ENTREP2: variants seen among roughly 807,000 people sequenced by gnomAD.
The protein encoded by ENTREP2 is protein ENTREP2.
the ENTREP2 span, among the ~76,000 whole-genome samples, chr15:29,189,006 C>T: frequency 6.6e-6 from 1 of 152,254 alleles, no homozygotes; most frequent in Admixed American, 6.5e-5. Flanking sequence ...CCACATGCAT[C>T]TCTCCACCTG....
chr15:29,180,764 C>G, the ENTREP2 span, among the ~76,000 whole-genome samples: 156 of 151,336 alleles, frequency 1.0e-3, 1 homozygote, highest in Non-Finnish European at 1.8e-4. Flanking sequence ...GCTAAATAAC[C>G]CAGGGACTGA....
At chr15:29,658,792 A>T in the ENTREP2 span, among the ~76,000 whole-genome samples, 1 of 152,246 alleles carries the variant, frequency 6.6e-6, no homozygotes, top group African/African-American at 2.4e-5. Context: ...CTATAAAAAA[A>T]ACTTTATAAT....
chr15:29,409,754 G>A, the ENTREP2 span, among the ~76,000 whole-genome samples: 1 of 151,922 alleles, frequency 6.6e-6, no homozygotes, highest in African/African-American at 2.4e-5. Flanking sequence ...GAGCCACCTC[G>A]CCTGGCTATA....
At chr15:29,581,615 T>C in the ENTREP2 span, among the ~76,000 whole-genome samples, 1 of 152,200 alleles carries the variant, frequency 6.6e-6, no homozygotes, top group Non-Finnish European at 1.5e-5. Context: ...CATAGTGTAT[T>C]CATGAATTGC....
At chr15:29,623,583 G>A in the ENTREP2 span, among the ~76,000 whole-genome samples, 3 of 152,138 alleles carry the variant, frequency 2.0e-5, no homozygotes, top group East Asian at 1.9e-4. Flanking sequence ...AGATGTCAAC[G>A]CCATCAGAAC....
the ENTREP2 span, among the ~76,000 whole-genome samples, chr15:29,662,919 G>A: frequency 1.3e-4 from 20 of 151,762 alleles, no homozygotes; most frequent in African/African-American, 3.9e-4. Context: ...AGACATGTTG[G>A]TCAGGCTGGT....
the ENTREP2 span, among the ~76,000 whole-genome samples, chr15:29,466,061 G>A: frequency 1.3e-5 from 2 of 152,174 alleles, no homozygotes; most frequent in African/African-American, 4.8e-5. Context: ...CTCTGTACCG[G>A]CAGAGAGGGC....
the ENTREP2 span, among the ~76,000 whole-genome samples, chr15:29,190,587 G>A: frequency 6.6e-6 from 1 of 152,154 alleles, no homozygotes; most frequent in African/African-American, 2.4e-5. Flanking sequence ...TCCAGGTATG[G>A]GAGGGGAGGA....
At chr15:29,657,182 G>A in the ENTREP2 span, among the ~76,000 whole-genome samples, 4 of 151,630 alleles carry the variant, frequency 2.6e-5, no homozygotes, top group Admixed American at 2.6e-4. Context: ...TGAGCAGCTG[G>A]GACTACACGC....
chr15:29,566,315 C>T, the ENTREP2 span, among the ~76,000 whole-genome samples: 274 of 151,842 alleles, frequency 1.8e-3, no homozygotes, highest in Admixed American at 2.8e-3. Flanking sequence ...CCTGCCACCA[C>T]GCCCAGCTAG....
the ENTREP2 span, among the ~76,000 whole-genome samples, chr15:29,674,128 T>TAG: frequency 1.5e-4 from 7 of 46,150 alleles, no homozygotes; most frequent in African/African-American, 3.7e-4. Context: ...CTGCAGAGGA[T>TAG]GGGGGGGGGG....
At chr15:29,204,773 T>C in the ENTREP2 span, among the ~76,000 whole-genome samples, 5 of 152,132 alleles carry the variant, frequency 3.3e-5, no homozygotes, top group African/African-American at 1.2e-4. Context: ...TCCCAAAGGT[T>C]CAAACAAAGC....
At chr15:29,627,145 C>T in the ENTREP2 span, among the ~76,000 whole-genome samples, 23 of 151,978 alleles carry the variant, frequency 1.5e-4, no homozygotes, top group African/African-American at 4.1e-4. Context: ...TCACAAATTT[C>T]GATGTGATGT....
chr15:29,334,421 GT>G, the ENTREP2 span, among the ~76,000 whole-genome samples: 95,497 of 151,972 alleles, frequency 0.63, 33,487 homozygotes, highest in Non-Finnish European at 0.77. Flanking sequence ...TTTCAAGGCA[GT>G]TAAGAATTTC....
the ENTREP2 span, among the ~76,000 whole-genome samples, chr15:29,182,631 G>GGT: frequency 1.0e-3 from 155 of 151,808 alleles, 1 homozygote; most frequent in African/African-American, 3.6e-3. Context: ...TTACAATGAT[G>GGT]GTGTGTGTGT....
chr15:29,439,304 C>A, the ENTREP2 span, among the ~76,000 whole-genome samples: 1 of 147,586 alleles, frequency 6.8e-6, no homozygotes, highest in Admixed American at 6.8e-5. Context: ...CACACACACA[C>A]ACACACACAC....
At chr15:29,270,481 G>C in the ENTREP2 span, among the ~76,000 whole-genome samples, 1 of 152,196 alleles carries the variant, frequency 6.6e-6, no homozygotes, top group Non-Finnish European at 1.5e-5. Flanking sequence ...TTATCTTTTG[G>C]AAAACAACTG....
chr15:29,168,346 C>T, the ENTREP2 span, among the ~76,000 whole-genome samples: 1 of 152,094 alleles, frequency 6.6e-6, no homozygotes, highest in Non-Finnish European at 1.5e-5. Flanking sequence ...TTAAAAAAAC[C>T]TACTACACAT....
the ENTREP2 span, among the ~76,000 whole-genome samples, chr15:29,558,482 G>GC: frequency 6.6e-6 from 1 of 151,266 alleles, no homozygotes; most frequent in African/African-American, 2.4e-5. Flanking sequence ...TCCCAGACCA[G>GC]CCCGGCCGGT....
Sources: allele counts gnomAD v4.1 joint callset (sites outside exome capture counted in the v4.1 genomes callset), GRCh38; gene constraint gnomAD v4.1.1; transcripts MANE v1.5; gene names NCBI Gene and HGNC (gene_info 2026-07-23, HGNC 2026-07-21).